KDM4C: variants seen among roughly 807,000 people sequenced by gnomAD.
The protein encoded by KDM4C is lysine-specific demethylase 4C.
Under a neutral mutation model 129.3 loss-of-function variants are expected in KDM4C, and 81 were observed. That is an observed-to-expected ratio of 0.63 (90% CI 0.52 to 0.75). The LOEUF is 0.75. Among genes scored for constraint, KDM4C ranks in the 30% least tolerant of loss-of-function variants. KDM4C has a pLI of 0.00. For missense variants in KDM4C, 1,457 were observed against 1,304.0 expected, an observed-to-expected ratio of 1.12 and a Z score of -1.81; for synonymous variants, 573 against 456.1, an observed-to-expected ratio of 1.26 and a Z score of -3.26.
At chr9:7,131,119 G>A (rs572438115) in intron 19 of KDM4C, among the ~76,000 whole-genome samples, 2 of 152,056 alleles carry the variant, frequency 1.3e-5, no homozygotes, top group African/African-American at 4.8e-5. Flanking sequence ...TCATCTTTGT[G>A]CAGGTCTTCT....
At chr9:6,845,892 G>C (rs998739165) in intron 4 of KDM4C, among the ~76,000 whole-genome samples, 3 of 152,200 alleles carry the variant, frequency 2.0e-5, no homozygotes, top group African/African-American at 4.8e-5. Context: ...CTGGTGTGCA[G>C]CCTTTCTGCT....
chr9:6,817,992 C>G (rs553181881), intron 4 of KDM4C, among the ~76,000 whole-genome samples: 3 of 152,006 alleles, frequency 2.0e-5, no homozygotes, highest in African/African-American at 4.8e-5. Flanking sequence ...GTCTCAATCT[C>G]CTGACCTTGT....
intron 8 of KDM4C, among the ~76,000 whole-genome samples, chr9:6,907,010 C>G (rs1277807676): frequency 1.3e-5 from 2 of 152,162 alleles, no homozygotes; most frequent in African/African-American, 4.8e-5. Context: ...CAGTTTTAAA[C>G]AAGGTCATTT....
intron 1 of KDM4C, chr9:6,735,121 T>C (rs958074822): frequency 6.0e-6 from 2 of 332,166 alleles, no homozygotes; most frequent in Admixed American, 7.4e-5. Context: ...TAGGGGACAA[T>C]TAGGCAAAGA....
intron 1 of KDM4C, among the ~76,000 whole-genome samples, chr9:6,767,440 C>T (rs1820859218): frequency 6.7e-6 from 1 of 149,866 alleles, no homozygotes; most frequent in Non-Finnish European, 1.5e-5. Context: ...CATGCACGGC[C>T]CCCTTTTTTT....
chr9:6,835,079 G>A (rs765881683), intron 4 of KDM4C: 116 of 988,260 alleles, frequency 1.2e-4, no homozygotes, highest in African/African-American at 3.2e-4. Flanking sequence ...GATATCGTGC[G>A]TGACATCAAG....
intron 4 of KDM4C, among the ~76,000 whole-genome samples, chr9:6,839,945 C>T (rs1386860529): frequency 6.6e-6 from 1 of 151,670 alleles, no homozygotes; most frequent in Non-Finnish European, 1.5e-5. Flanking sequence ...ATGAGAAACA[C>T]CATGTCACAA....
chr9:7,092,014 G>A (rs1203339050), intron 17 of KDM4C, among the ~76,000 whole-genome samples: 1 of 152,184 alleles, frequency 6.6e-6, no homozygotes, highest in East Asian at 1.9e-4. Context: ...TAACTGGGGT[G>A]ATCTGATTTT....
chr9:7,088,842 AAAAAAG>A (rs1242607273), intron 17 of KDM4C, among the ~76,000 whole-genome samples: 1 of 151,518 alleles, frequency 6.6e-6, no homozygotes, highest in Non-Finnish European at 1.5e-5. Context: ...TATTTTGGAA[AAAAAAG>A]AAAAAGAAAA....
At chr9:6,786,340 C>T (rs1162903150) in intron 1 of KDM4C, among the ~76,000 whole-genome samples, 2 of 152,112 alleles carry the variant, frequency 1.3e-5, no homozygotes, top group Non-Finnish European at 2.9e-5. Flanking sequence ...TGAGTTAGTG[C>T]TGGACTTTAT....
chr9:6,829,347 C>G (rs947024588), intron 4 of KDM4C, among the ~76,000 whole-genome samples: 1 of 152,116 alleles, frequency 6.6e-6, no homozygotes, highest in Admixed American at 6.5e-5. Context: ...ATTGGCATGC[C>G]TAGAGGGGCA....
intron 8 of KDM4C, among the ~76,000 whole-genome samples, chr9:6,945,130 C>T (rs755533014): frequency 6.6e-6 from 1 of 152,074 alleles, no homozygotes; most frequent in Non-Finnish European, 1.5e-5. Context: ...CTGCACGAAC[C>T]CGTGGACCCG....
intron 8 of KDM4C, among the ~76,000 whole-genome samples, chr9:6,946,233 C>G (rs187892733): frequency 6.6e-6 from 1 of 152,128 alleles, no homozygotes; most frequent in East Asian, 1.9e-4. Context: ...TTTCTGACTT[C>G]GAAAGTAAGA....
rs191378553 is a variant in KDM4C, at chr9:7,158,083, G to A, written c.2782-7155G>A. Among the ~76,000 whole-genome samples the A allele has an allele frequency of 1.1e-3, 175 of 152,200 alleles. 1 individual carries two copies. The highest frequency in any genetic ancestry group is 4.0e-3 in the African/African-American group (167 of 41,528). On this transcript the variant is annotated intron_variant, in intron 19 of 21. Coordinates refer to ENST00000381309, the MANE Select transcript of KDM4C (RefSeq NM_015061.6). ...TTAACTTCTTCCTGGTTTAGTCTTA[G>A]GAGAATCTTTGTGTCCAGGAATTTA... is the stretch of plus-strand genomic sequence containing the variant.
intron 15 of KDM4C, among the ~76,000 whole-genome samples, chr9:7,034,228 T>C (rs1186142868): frequency 6.6e-6 from 1 of 152,218 alleles, no homozygotes; most frequent in African/African-American, 2.4e-5. Context: ...CAATACCTCC[T>C]CTAGCTATTT....
rs563252507 is a variant in KDM4C, at chr9:6,964,275, T to C, written c.922-16650T>C. ...CCCCAACAGGCCCAGGTGTGTGATA[T>C]TCCCCATCCTGTGTCCAAGCGTTCT... On this transcript the variant is annotated intron_variant, in intron 8 of 21. Transcript: ENST00000381309. 4.0e-4 allele frequency among the ~76,000 whole-genome samples: 58 copies of C among 145,994 alleles called. 1 individual carries two copies. The South Asian group carries it at 0.013, about 33-fold the overall frequency.
intron 2 of KDM4C, among the ~76,000 whole-genome samples, chr9:6,801,690 G>A (rs541123967): frequency 2.7e-5 from 4 of 150,462 alleles, no homozygotes; most frequent in East Asian, 2.0e-4. Context: ...CATACACATC[G>A]AAGAGTATTC....
chr9:6,796,212 AG>A lies in KDM4C; in HGVS notation c.144+3082del, dbSNP rs922576848. 6.4e-4 allele frequency among the ~76,000 whole-genome samples: 98 copies of A among 152,114 alleles called. No individual in the cohort carries two copies. In the Middle Eastern group the frequency reaches 0.017, roughly 26 times the overall value. On this transcript the variant is annotated intron_variant, in intron 2 of 21. Transcript: ENST00000381309. ...GCAATCCCAGCACTCTGGGAGGCCG[AG>A]GTGGGTGGATCACTTGAGGTCAGGA...
At chr9:6,773,134 G>A (rs1416615056) in intron 1 of KDM4C, among the ~76,000 whole-genome samples, 3 of 151,984 alleles carry the variant, frequency 2.0e-5, no homozygotes, top group African/African-American at 7.3e-5. Flanking sequence ...TGAGTAACTG[G>A]GATTACAGGT....
Sources: allele counts gnomAD v4.1 joint callset (sites outside exome capture counted in the v4.1 genomes callset), GRCh38; gene constraint gnomAD v4.1.1; transcripts MANE v1.5; gene names NCBI Gene and HGNC (gene_info 2026-07-23, HGNC 2026-07-21).